PHYHIPL: variants seen among roughly 807,000 people sequenced by gnomAD.
The protein encoded by PHYHIPL is phytanoyl-CoA 2-hydroxylase interacting protein like, also known as phytanoyl-CoA hydroxylase-interacting protein-like.
PHYHIPL carries 9 observed loss-of-function variants against 33.4 expected under a neutral mutation model. The ratio of observed to expected loss-of-function variants is 0.27; its 90% CI spans 0.16 to 0.47. PHYHIPL has a LOEUF of 0.47. Among genes scored for constraint, PHYHIPL ranks in the 20% least tolerant of loss-of-function variants. The pLI is 0.99. For synonymous variants in PHYHIPL, 153 were observed against 154.1 expected (o/e 0.99, Z 0.05); for missense variants, 365 against 460.7 (o/e 0.79, Z 1.90).
intron 1 of PHYHIPL, among the ~76,000 whole-genome samples, chr10:59,203,066 C>G (rs1839171729): frequency 1.3e-5 from 2 of 152,012 alleles, no homozygotes; most frequent in Non-Finnish European, 2.9e-5. Context: ...AACAAATTTA[C>G]AAGAAAAAAA....
At chr10:59,180,536 G>A (rs1372319340) in intron 1 of PHYHIPL, among the ~76,000 whole-genome samples, 6 of 151,210 alleles carry the variant, frequency 4.0e-5, no homozygotes, top group East Asian at 1.9e-4. Context: ...TCATGAGTCC[G>A]GCACTTTATG....
upstream of PHYHIPL, among the ~76,000 whole-genome samples, chr10:59,175,097 G>A (rs1356705604): frequency 6.6e-6 from 1 of 152,132 alleles, no homozygotes; most frequent in Non-Finnish European, 1.5e-5. Context: ...TAGTTCTACA[G>A]AGCCAGGCTT....
At chr10:59,174,391 T>C (rs1055858955), upstream of PHYHIPL, among the ~76,000 whole-genome samples, 1 of 152,214 alleles carries the variant, frequency 6.6e-6, no homozygotes, top group Non-Finnish European at 1.5e-5. Flanking sequence ...GGAGAAACCC[T>C]ATCATTTGGT....
At chr10:59,174,834 T>A (rs890422212), upstream of PHYHIPL, among the ~76,000 whole-genome samples, 1 of 152,212 alleles carries the variant, frequency 6.6e-6, no homozygotes, top group Non-Finnish European at 1.5e-5. Flanking sequence ...TTAACACCCA[T>A]CCTACTTTTA....
intron 1 of PHYHIPL, among the ~76,000 whole-genome samples, chr10:59,199,025 T>C (rs1839014961): frequency 1.3e-5 from 2 of 152,290 alleles, no homozygotes; most frequent in Admixed American, 6.5e-5. Flanking sequence ...ACTCTGATGG[T>C]AGTTTCTTTT....
At chr10:59,241,632 T>G (rs1840400250) in intron 4 of PHYHIPL, among the ~76,000 whole-genome samples, 1 of 152,138 alleles carries the variant, frequency 6.6e-6, no homozygotes, top group Non-Finnish European at 1.5e-5. Context: ...ATGTTGCTGT[T>G]ATTATTTCAT....
intron 1 of PHYHIPL, among the ~76,000 whole-genome samples, chr10:59,208,991 G>A (rs1400236539): frequency 6.6e-6 from 1 of 152,102 alleles, no homozygotes; most frequent in African/African-American, 2.4e-5. Flanking sequence ...GAACCAAGTT[G>A]GAAAACACTC....
intron 1 of PHYHIPL, among the ~76,000 whole-genome samples, chr10:59,197,109 A>AGATG (rs1838943174): frequency 6.6e-6 from 1 of 152,224 alleles, no homozygotes; most frequent in Non-Finnish European, 1.5e-5. Context: ...GTTTTCCAAA[A>AGATG]GATGTTCTCA....
rs900598103 is a variant in PHYHIPL at position 59,246,884 on chromosome 10, T to A, written c.*1293T>A. The stretch of plus-strand genomic sequence containing the variant: ...ACATATCTATCCAAAATACCTATTT[T>A]AAATTTTTAATACAATATTTTATTT... On this transcript the variant is annotated 3_prime_UTR_variant, in exon 5 of 5. Transcript: ENST00000373880. 1.4e-5 allele frequency: 5 copies of A among 351,932 alleles called. No individual in the cohort carries two copies. The highest frequency in any genetic ancestry group is 8.4e-5 in the African/African-American group (4 of 47,774). The allele number at this position is 351,932 out of a possible 1,614,324, so 21.8% of individuals were successfully genotyped here. A position where few individuals can be genotyped will look rare whatever the true frequency, so the allele number is the denominator to read the frequency against.
intron 1 of PHYHIPL, among the ~76,000 whole-genome samples, chr10:59,212,033 G>A (rs1044756956): frequency 2.0e-5 from 3 of 152,066 alleles, no homozygotes; most frequent in African/African-American, 7.3e-5. Context: ...ATCCATTTAT[G>A]GATTAATGGA....
chr10:59,177,191 C>T (rs1589252405), intron 1 of PHYHIPL: 2 of 587,044 alleles, frequency 3.4e-6, no homozygotes, highest in East Asian at 6.0e-5. Flanking sequence ...ACAACCGTGG[C>T]GCCCTTCGCC....
At chr10:59,233,379 C>A (rs1024801897) in intron 1 of PHYHIPL, among the ~76,000 whole-genome samples, 1 of 151,374 alleles carries the variant, frequency 6.6e-6, no homozygotes. Context: ...TGTTAAGGAA[C>A]GAGTTAAGTA....
chr10:59,182,737 A>G (rs1395451401), intron 1 of PHYHIPL, among the ~76,000 whole-genome samples: 2 of 152,182 alleles, frequency 1.3e-5, no homozygotes, highest in Non-Finnish European at 2.9e-5. Flanking sequence ...AAAAATAGGT[A>G]GAAAGCTTCA....
chr10:59,182,436 G>A (rs936312219), intron 1 of PHYHIPL, among the ~76,000 whole-genome samples: 4 of 152,054 alleles, frequency 2.6e-5, no homozygotes, highest in Non-Finnish European at 5.9e-5. Flanking sequence ...TCCGCCTTCT[G>A]GTTTCACGTG....
intron 1 of PHYHIPL, among the ~76,000 whole-genome samples, chr10:59,203,422 T>TA (rs1839185482): frequency 6.6e-6 from 1 of 152,176 alleles, no homozygotes. Flanking sequence ...ACTGGGTATA[T>TA]ACCCAAAGGA....
intron 1 of PHYHIPL, among the ~76,000 whole-genome samples, chr10:59,210,406 C>G (rs957869931): frequency 6.6e-6 from 1 of 152,160 alleles, no homozygotes; most frequent in Non-Finnish European, 1.5e-5. Flanking sequence ...GAATGGCGAT[C>G]ATTAAAAAGT....
rs754526472 is a variant in PHYHIPL, at chr10:59,245,401, CAGA to C, written c.948_950del (p.Glu316del). The C allele has an allele frequency of 6.2e-7, 1 of 1,614,110 alleles. No homozygotes were observed. Among genetic ancestry groups the C allele is most frequent in the South Asian group, 1.1e-5 (1 of 91,078 alleles). On this transcript the variant is annotated inframe_deletion, in exon 5 of 5. Transcript: ENST00000373880. ...AAGGATAATAAATTTTTGACCTGTA[CAGA>C]AGAAGATGGGGTGCTGGTTTACCAC... is the stretch of plus-strand genomic sequence containing the variant.
chr10:59,179,372 A>G (rs770089689), intron 1 of PHYHIPL, among the ~76,000 whole-genome samples: 4 of 152,222 alleles, frequency 2.6e-5, no homozygotes, highest in Non-Finnish European at 5.9e-5. Context: ...ATGGGACAGA[A>G]GATCTATTTT....
chr10:59,233,928 G>T (rs1411986523), intron 1 of PHYHIPL, among the ~76,000 whole-genome samples: 1 of 151,696 alleles, frequency 6.6e-6, no homozygotes, highest in Non-Finnish European at 1.5e-5. Flanking sequence ...TCACTGCTAG[G>T]TCATGGACTT....
Sources: gnomAD v4.1 joint callset for allele counts (sites outside exome capture counted in the v4.1 genomes callset) on GRCh38, gnomAD v4.1.1 for gene constraint, MANE v1.5 for transcripts, NCBI Gene and HGNC (gene_info 2026-07-23, HGNC 2026-07-21) for gene names.